The following STRN3 variants were observed in gnomAD, a reference collection of about 807,000 sequenced individuals.
The protein encoded by STRN3 is striatin-3.
Under a neutral mutation model 95.6 loss-of-function variants are expected in STRN3, and 29 were observed. The ratio of observed to expected loss-of-function variants is 0.30; its 90% CI spans 0.23 to 0.41. STRN3 has a LOEUF of 0.41. Ranked by LOEUF, STRN3 falls within the 10% of genes least tolerant of loss-of-function variation. The pLI, the probability that STRN3 is intolerant of heterozygous loss-of-function variation, is 1.00. For missense variants in STRN3, 890 were observed against 972.1 expected (o/e 0.92, Z 1.12); for synonymous variants, 331 against 357.6 (o/e 0.93, Z 0.84).
chr14:30,959,231 C>G (rs913707491), intron 1 of STRN3, among the ~76,000 whole-genome samples: 1 of 152,072 alleles, frequency 6.6e-6, no homozygotes, highest in Admixed American at 6.5e-5. Flanking sequence ...GGGGCTGAAG[C>G]AGGAGGATCA....
chr14:30,981,689 A>AC (rs1325213135), intron 1 of STRN3, among the ~76,000 whole-genome samples: 1 of 152,240 alleles, frequency 6.6e-6, no homozygotes, highest in Non-Finnish European at 1.5e-5. Flanking sequence ...TCCCCGACCT[A>AC]CCCAGTACCT....
chr14:30,901,493 A>G (rs925359166), intron 16 of STRN3, among the ~76,000 whole-genome samples: 3 of 152,204 alleles, frequency 2.0e-5, no homozygotes, highest in African/African-American at 7.2e-5. Context: ...AGAGAAACCT[A>G]TAATTCTGGG....
chr14:30,949,370 T>C (rs1879524995), intron 4 of STRN3, among the ~76,000 whole-genome samples: 1 of 152,218 alleles, frequency 6.6e-6, no homozygotes, highest in South Asian at 2.1e-4. Context: ...CCCAGCACTC[T>C]GGGAGGCCAA....
At chr14:30,968,537 G>A (rs778264713) in intron 1 of STRN3, among the ~76,000 whole-genome samples, 1 of 151,904 alleles carries the variant, frequency 6.6e-6, no homozygotes, top group South Asian at 2.1e-4. Context: ...AAAATTAGCC[G>A]GGCATGGTGG....
chr14:30,990,219 G>C (rs1325642747), intron 1 of STRN3, among the ~76,000 whole-genome samples: 1 of 150,744 alleles, frequency 6.6e-6, no homozygotes, highest in Non-Finnish European at 1.5e-5. Flanking sequence ...CTGGAGTACA[G>C]TGGCGCAATC....
intron 1 of STRN3, chr14:31,018,545 G>T: frequency 2.2e-6 from 1 of 446,552 alleles, no homozygotes; most frequent in Non-Finnish European, 4.5e-6. Flanking sequence ...CATCCTGGCT[G>T]AAGAGGGACT....
chr14:30,984,141 C>CG (rs1259875273), intron 1 of STRN3, among the ~76,000 whole-genome samples: 1 of 135,172 alleles, frequency 7.4e-6, no homozygotes, highest in Admixed American at 7.7e-5. Flanking sequence ...CCCCCAACCC[C>CG]CCCCCACACA....
chr14:30,913,438 A>G (rs1300920987), intron 10 of STRN3, 86 bp downstream of exon 10: 2 of 1,333,662 alleles, frequency 1.5e-6, no homozygotes, highest in Admixed American at 2.8e-5. Flanking sequence ...ATGCACCTTG[A>G]TATTAATTCT....
intron 3 of STRN3, among the ~76,000 whole-genome samples, chr14:30,953,084 T>G (rs1443865302): frequency 6.6e-6 from 1 of 152,222 alleles, no homozygotes; most frequent in Non-Finnish European, 1.5e-5. Context: ...AAAAAATGAC[T>G]GCATAATATT....
At chr14:30,966,827 A>G (rs1400529908) in intron 1 of STRN3, among the ~76,000 whole-genome samples, 4 of 152,008 alleles carry the variant, frequency 2.6e-5, no homozygotes, top group Non-Finnish European at 4.4e-5. Flanking sequence ...CTGCCATGGG[A>G]TTTATACCAG....
At chr14:31,020,480 CAG>C (rs1162334307) in intron 1 of STRN3, among the ~76,000 whole-genome samples, 1 of 150,258 alleles carries the variant, frequency 6.7e-6, no homozygotes, top group Non-Finnish European at 1.5e-5. Context: ...GCCTGAGTGA[CAG>C]AGCGAAAACT....
intron 3 of STRN3, among the ~76,000 whole-genome samples, chr14:30,952,662 T>C (rs1364986038): frequency 6.6e-6 from 1 of 151,934 alleles, no homozygotes; most frequent in Non-Finnish European, 1.5e-5. Context: ...ATCGTACCAT[T>C]GCACTCCAGC....
At chr14:30,919,241 G>T (rs1896818941) in intron 8 of STRN3, 135 bp from the exon 9 acceptor site, 2 of 935,948 alleles carry the variant, frequency 2.1e-6, no homozygotes, top group South Asian at 2.4e-5. Context: ...AATTAAAGAT[G>T]TCTTCCATTT....
intron 9 of STRN3, among the ~76,000 whole-genome samples, chr14:30,916,599 C>T (rs1230078862): frequency 1.3e-5 from 2 of 151,252 alleles, no homozygotes. Flanking sequence ...TTAATATCTT[C>T]TTTTTTTTTC....
rs1340007461 is a variant in STRN3 at position 30,916,504 on chromosome 14, T to C, written c.1240+2462A>G. ...GTTAGCCAGGATGGTCTCGATCTCC[T>C]GACCTCGTGATCCACCAGTCTCGGC... On this transcript the variant is annotated intron_variant, in intron 9 of 17. Transcript: ENST00000357479. 1.2e-4 allele frequency among the ~76,000 whole-genome samples: 18 copies of C among 152,272 alleles called. No individual in the cohort carries two copies. The East Asian group carries it at 3.5e-3, about 29-fold the overall frequency.
intron 3 of STRN3, among the ~76,000 whole-genome samples, chr14:30,952,562 T>C (rs1476115896): frequency 1.3e-5 from 2 of 151,834 alleles, no homozygotes; most frequent in African/African-American, 2.4e-5. Context: ...TAGCCAGGCA[T>C]GGTGGCACGT....
intron 8 of STRN3, among the ~76,000 whole-genome samples, chr14:30,925,593 C>T (rs1478237445): frequency 6.6e-6 from 1 of 151,958 alleles, no homozygotes; most frequent in African/African-American, 2.4e-5. Flanking sequence ...TTTACATTTA[C>T]ATAGGTAGAA....
At chr14:31,007,227 G>C (rs1882759662) in intron 1 of STRN3, among the ~76,000 whole-genome samples, 3 of 152,298 alleles carry the variant, frequency 2.0e-5, no homozygotes, top group African/African-American at 7.2e-5. Flanking sequence ...ATAGTAACTT[G>C]ATACCAAATC....
Position 30,911,835 on chromosome 14 carries a change from G to A in STRN3, c.1551-11C>T. ...TCTAAAGAGGCACTCCTAAAAGAGGGGGAAAAAGGGTAGGGGAAGAGAAGG... is the reference window on the plus strand; with the variant it reads ...TCTAAAGAGGCACTCCTAAAAGAGGAGGAAAAAGGGTAGGGGAAGAGAAGG... On this transcript the variant is annotated splice_polypyrimidine_tract_variant and intron_variant, in intron 11 of 17. Transcript: ENST00000357479. The A allele has an allele frequency of 1.1e-5, 17 of 1,601,336 alleles. No homozygotes were observed. The highest frequency in any genetic ancestry group is 1.4e-5 in the Non-Finnish European group (16 of 1,176,158).
Sources: gnomAD v4.1 joint callset for allele counts (sites outside exome capture counted in the v4.1 genomes callset) on GRCh38, gnomAD v4.1.1 for gene constraint, MANE v1.5 for transcripts, NCBI Gene and HGNC (gene_info 2026-07-23, HGNC 2026-07-21) for gene names.